The following HMCN1 variants were observed in gnomAD, a reference collection of about 807,000 sequenced individuals.
The protein encoded by HMCN1 is hemicentin 1.
A neutral mutation model predicts 625.9 loss-of-function variants in HMCN1; 321 were observed. The ratio of observed to expected loss-of-function variants is 0.51; its 90% CI spans 0.47 to 0.56. HMCN1 has a LOEUF of 0.56. HMCN1 is among the 20% of genes least tolerant of loss of function. The pLI, the probability that HMCN1 is intolerant of heterozygous loss-of-function variation, is 0.00. For synonymous variants in HMCN1, 2,425 were observed against 2,417.6 expected (o/e 1.00, Z -0.09); for missense variants, 6,588 against 6,887.3 (o/e 0.96, Z 1.54).
At chr1:185,751,007 A>G (rs1371333570) in intron 1 of HMCN1, among the ~76,000 whole-genome samples, 1 of 152,018 alleles carries the variant, frequency 6.6e-6, no homozygotes. Flanking sequence ...TACTTTCTGT[A>G]GTATGGTTAT....
chr1:186,146,354 A>G (rs1237319666), intron 93 of HMCN1, among the ~76,000 whole-genome samples: 1 of 152,224 alleles, frequency 6.6e-6, no homozygotes, highest in East Asian at 1.9e-4. Flanking sequence ...GAGTTCAGTT[A>G]TCAAGTTCAG....
intron 48 of HMCN1, among the ~76,000 whole-genome samples, chr1:186,064,636 C>T (rs964811540): frequency 7.9e-5 from 12 of 151,620 alleles, no homozygotes; most frequent in Non-Finnish European, 1.5e-4. Context: ...GGTGAAACCC[C>T]GTCTCTACTA....
rs985737959 is a variant in HMCN1 at position 185,860,547 on chromosome 1, G to A, written c.340-3923G>A. Among the ~76,000 whole-genome samples, 6 of 152,010 alleles carry A rather than the reference G, an allele frequency of 3.9e-5. No homozygotes were observed. In the South Asian group the frequency reaches 1.2e-3, roughly 32 times the overall value. On this transcript the variant is annotated intron_variant, in intron 2 of 106. Coordinates refer to ENST00000271588, the MANE Select transcript of HMCN1 (RefSeq NM_031935.3). ...CTGGAAGGGAATTCCTGGTTTCAAA[G>A]GATCCTCCCACCTCAGCCCCCCAAG...
intron 1 of HMCN1, among the ~76,000 whole-genome samples, chr1:185,843,886 G>A (rs950827802): frequency 5.3e-5 from 8 of 152,052 alleles, no homozygotes; most frequent in African/African-American, 1.9e-4. Context: ...AAGGCTTATC[G>A]GTCCTCTTAT....
intron 4 of HMCN1, among the ~76,000 whole-genome samples, chr1:185,892,597 G>T (rs1665182361): frequency 6.6e-6 from 1 of 152,146 alleles, no homozygotes; most frequent in South Asian, 2.1e-4. Context: ...GCCCCTGCTG[G>T]AGGGTGCCTC....
chr1:186,138,183 A>C (rs1042330678), intron 89 of HMCN1, among the ~76,000 whole-genome samples: 2 of 152,160 alleles, frequency 1.3e-5, no homozygotes, highest in African/African-American at 4.8e-5. Flanking sequence ...TACCTGCTTT[A>C]ATTGAACTTG....
At chr1:186,177,375 A>G (rs930707362) in intron 103 of HMCN1, 1 of 152,126 alleles carries the variant, frequency 6.6e-6, no homozygotes, top group African/African-American at 2.4e-5. Context: ...GCTGAGGAGA[A>G]GCCAGGGCAA....
chr1:186,104,072 C>A (rs902280919), intron 69 of HMCN1, among the ~76,000 whole-genome samples: 5 of 152,074 alleles, frequency 3.3e-5, no homozygotes, highest in African/African-American at 1.2e-4. Flanking sequence ...TGAAGAGACA[C>A]AATTTTTCAA....
At chr1:186,067,735 G>A (rs1383566772) in intron 49 of HMCN1, 99 bp from the exon 50 acceptor site, 1 of 785,164 alleles carries the variant, frequency 1.3e-6, no homozygotes, top group East Asian at 2.7e-5. Context: ...GTAACTGCTA[G>A]GGAATGAAAT....
chr1:185,999,624 C>T (rs1317583267), intron 25 of HMCN1, among the ~76,000 whole-genome samples: 1 of 152,070 alleles, frequency 6.6e-6, no homozygotes, highest in Non-Finnish European at 1.5e-5. Context: ...TATATACACT[C>T]TATTTGGTTG....
chr1:185,897,703 A>T (rs536733041), intron 4 of HMCN1, among the ~76,000 whole-genome samples: 245 of 152,162 alleles, frequency 1.6e-3, no homozygotes, highest in Non-Finnish European at 2.4e-3. Flanking sequence ...CACCTGACAT[A>T]CATTTTCTGT....
intron 1 of HMCN1, among the ~76,000 whole-genome samples, chr1:185,826,539 G>A (rs1231846076): frequency 3.9e-5 from 6 of 152,110 alleles, no homozygotes; most frequent in African/African-American, 9.7e-5. Context: ...CAATTTCTGA[G>A]CTCCATTATT....
intron 69 of HMCN1, among the ~76,000 whole-genome samples, chr1:186,106,390 T>A (rs1161226495): frequency 6.6e-6 from 1 of 152,210 alleles, no homozygotes. Context: ...TTACATAACA[T>A]AACTGTTTTG....
chr1:185,806,729 T>A (rs1054944990), intron 1 of HMCN1, among the ~76,000 whole-genome samples: 1 of 152,166 alleles, frequency 6.6e-6, no homozygotes, highest in African/African-American at 2.4e-5. Flanking sequence ...AGAGCCTTTT[T>A]GAGTTTGAAA....
At chr1:185,982,424 T>G in intron 18 of HMCN1, 35 bp downstream of exon 18, 1 of 1,590,358 alleles carries the variant, frequency 6.3e-7, no homozygotes, top group South Asian at 1.1e-5. Context: ...TTCACATTCT[T>G]TTGTGAGTTT....
intron 15 of HMCN1, among the ~76,000 whole-genome samples, chr1:185,977,469 A>G (rs1651300369): frequency 6.6e-6 from 1 of 152,204 alleles, no homozygotes; most frequent in Admixed American, 6.5e-5. Context: ...GCAATTTGAC[A>G]TAAACTGAAA....
At chr1:186,145,687 C>T in intron 92 of HMCN1, 66 bp from the exon 93 acceptor site, 1 of 1,612,120 alleles carries the variant, frequency 6.2e-7, no homozygotes, top group African/African-American at 1.3e-5. Flanking sequence ...AGGGGCACCC[C>T]AAGTATAGAT....
intron 1 of HMCN1, among the ~76,000 whole-genome samples, chr1:185,802,994 A>T (rs1658900335): frequency 6.6e-6 from 1 of 151,860 alleles, no homozygotes; most frequent in African/African-American, 2.4e-5. Context: ...GAGAGATAGA[A>T]CTTTCCAGAA....
At chr1:186,125,513 GA>G in intron 81 of HMCN1, 90 bp from the exon 82 acceptor site, 1 of 989,688 alleles carries the variant, frequency 1.0e-6, no homozygotes, top group Non-Finnish European at 1.6e-6. Flanking sequence ...AAATTACCCT[GA>G]AAAGAGTTTT....
Sources: allele counts gnomAD v4.1 joint callset (sites outside exome capture counted in the v4.1 genomes callset), GRCh38; gene constraint gnomAD v4.1.1; transcripts MANE v1.5; gene names NCBI Gene and HGNC (gene_info 2026-07-23, HGNC 2026-07-21).